The following MACROD2 variants were observed in gnomAD, a reference collection of about 807,000 sequenced individuals.
MACROD2 encodes the protein mono-ADP ribosylhydrolase 2.
In MACROD2, 36 loss-of-function variants were observed where a neutral mutation model predicts 70.4. That is an observed-to-expected ratio of 0.51 (90% CI 0.39 to 0.68). The LOEUF (loss-of-function observed/expected upper bound fraction) is 0.68, where lower values mean the gene tolerates loss of function less well. Ranked by LOEUF, MACROD2 falls within the 30% of genes least tolerant of loss-of-function variation. The probability of loss-of-function intolerance (pLI) is 0.00; values close to 1 mark genes in which losing one functional copy is unlikely to be tolerated. For synonymous variants in MACROD2, 172 were observed against 178.8 expected (o/e 0.96, Z 0.30); for missense variants, 496 against 538.4 (o/e 0.92, Z 0.78).
chr20:14,910,246 T>C (rs2074010493), intron 5 of MACROD2, among the ~76,000 whole-genome samples: 1 of 152,208 alleles, frequency 6.6e-6, no homozygotes, highest in South Asian at 2.1e-4. Context: ...ATGTTGGCTA[T>C]GCACTTCGCG....
At chr20:14,628,551 A>G (rs1568708641) in intron 4 of MACROD2, 1 of 152,160 alleles carries the variant, frequency 6.6e-6, no homozygotes, top group Non-Finnish European at 1.5e-5. Context: ...GGGTGAAGGT[A>G]ATGGTGGTAA....
At chr20:14,927,123 G>A (rs1445373700) in intron 5 of MACROD2, among the ~76,000 whole-genome samples, 1 of 152,060 alleles carries the variant, frequency 6.6e-6, no homozygotes, top group Non-Finnish European at 1.5e-5. Context: ...ACAACTTCCT[G>A]AAAACATATC....
At chr20:15,564,512 A>T (rs527716613) in intron 8 of MACROD2, among the ~76,000 whole-genome samples, 14 of 152,294 alleles carry the variant, frequency 9.2e-5, no homozygotes, top group African/African-American at 3.1e-4. Flanking sequence ...TACTTATAGC[A>T]CATTTCGCAG....
intron 6 of MACROD2, among the ~76,000 whole-genome samples, chr20:15,231,732 T>C (rs924755422): frequency 6.6e-6 from 1 of 152,018 alleles, no homozygotes; most frequent in African/African-American, 2.4e-5. Context: ...ATGGGCTAAG[T>C]TAACTTTTTA....
At chr20:14,348,133 G>C (rs1373258770) in intron 3 of MACROD2, among the ~76,000 whole-genome samples, 1 of 152,002 alleles carries the variant, frequency 6.6e-6, no homozygotes, top group Non-Finnish European at 1.5e-5. Context: ...AGCCGGTGTG[G>C]TGGTACGCAC....
intron 3 of MACROD2, among the ~76,000 whole-genome samples, chr20:14,423,797 T>A: frequency 7.3e-6 from 1 of 137,742 alleles, no homozygotes; most frequent in East Asian, 2.0e-4. Context: ...AGTTTCGCTC[T>A]TTTCGCCCAG....
intron 8 of MACROD2, among the ~76,000 whole-genome samples, chr20:15,764,865 T>G (rs988740803): frequency 6.6e-6 from 1 of 152,184 alleles, no homozygotes; most frequent in African/African-American, 2.4e-5. Context: ...ACGATGACCT[T>G]TATGATTTAG....
intron 12 of MACROD2, among the ~76,000 whole-genome samples, chr20:15,954,587 A>C (rs139225363): frequency 6.6e-6 from 1 of 152,312 alleles, no homozygotes; most frequent in South Asian, 2.1e-4. Flanking sequence ...ATTAGTACAC[A>C]GTATGGCCTA....
intron 5 of MACROD2, among the ~76,000 whole-genome samples, chr20:15,048,534 TGATG>T (rs1353929620): frequency 2.0e-5 from 3 of 151,972 alleles, no homozygotes; most frequent in Admixed American, 6.6e-5. Context: ...GATTAGATAA[TGATG>T]TATGTGAACG....
intron 5 of MACROD2, among the ~76,000 whole-genome samples, chr20:14,959,419 C>T (rs1446182863): frequency 6.6e-6 from 1 of 152,100 alleles, no homozygotes; most frequent in Admixed American, 6.5e-5. Context: ...CATGAGCCGC[C>T]GCACCCAACT....
intron 3 of MACROD2, among the ~76,000 whole-genome samples, chr20:14,274,210 C>G (rs1271859094): frequency 2.6e-5 from 4 of 152,110 alleles, no homozygotes; most frequent in African/African-American, 9.7e-5. Flanking sequence ...AATTTTAGAC[C>G]AATATCCTTG....
chr20:15,039,976 G>A (rs981242346), intron 5 of MACROD2, among the ~76,000 whole-genome samples: 2 of 152,064 alleles, frequency 1.3e-5, no homozygotes, highest in African/African-American at 2.4e-5. Context: ...AGGGGTCGAC[G>A]TTCAATTACT....
intron 3 of MACROD2, among the ~76,000 whole-genome samples, chr20:14,375,491 C>T (rs1013765994): frequency 6.6e-6 from 1 of 152,092 alleles, no homozygotes. Context: ...CTCTTGATCA[C>T]ATACTATAAA....
In MACROD2 at chr20:15,929,754, C is replaced by G. The variant is rs114876547; in HGVS notation, c.776-3522C>G. On this transcript the variant is annotated intron_variant, in intron 10 of 17. Transcript: ENST00000684519. ...TGAGATTTTGCCCTTACAAAACTCT[C>G]CCATGTAGAGTCAAACATGGACTGC... Among the ~76,000 whole-genome samples the G allele has an allele frequency of 4.6e-3, 693 of 152,296 alleles. 5 individuals carry two copies. Among genetic ancestry groups the G allele is most frequent in the African/African-American group, 0.016 (647 of 41,562 alleles).
chr20:14,561,369 G>A (rs959668344), intron 4 of MACROD2, among the ~76,000 whole-genome samples: 3 of 151,754 alleles, frequency 2.0e-5, no homozygotes. Flanking sequence ...AGATTATGGA[G>A]TAGAAACCAC....
intron 3 of MACROD2, among the ~76,000 whole-genome samples, chr20:14,491,516 A>G (rs1207246094): frequency 3.3e-5 from 5 of 152,220 alleles, no homozygotes; most frequent in Non-Finnish European, 7.3e-5. Context: ...ATATTACTGG[A>G]TATGCTTATG....
intron 3 of MACROD2, among the ~76,000 whole-genome samples, chr20:14,277,848 C>T (rs1037858617): frequency 3.3e-5 from 5 of 152,060 alleles, no homozygotes; most frequent in Admixed American, 3.3e-4. Flanking sequence ...GTAATTCTTC[C>T]ATATGGAGGA....
chr20:15,682,625 A>G (rs2050175127), intron 8 of MACROD2, among the ~76,000 whole-genome samples: 1 of 152,204 alleles, frequency 6.6e-6, no homozygotes, highest in Admixed American at 6.5e-5. Context: ...TTCCACATGA[A>G]GCTTGGTTGG....
chr20:14,243,368 CA>C (rs2081944541), intron 3 of MACROD2, among the ~76,000 whole-genome samples: 1 of 152,142 alleles, frequency 6.6e-6, no homozygotes, highest in Non-Finnish European at 1.5e-5. Context: ...CTTGCTTTTT[CA>C]TCTACAAGTT....
Sources: allele counts gnomAD v4.1 joint callset (sites outside exome capture counted in the v4.1 genomes callset), GRCh38; gene constraint gnomAD v4.1.1; transcripts MANE v1.5; gene names NCBI Gene and HGNC (gene_info 2026-07-23, HGNC 2026-07-21).